The following HADHA variants were observed in gnomAD, a reference collection of about 807,000 sequenced individuals.
HADHA encodes hydroxyacyl-CoA dehydrogenase trifunctional multienzyme complex subunit alpha.
Under a neutral mutation model 91.3 loss-of-function variants are expected in HADHA, and 59 were observed. The ratio of observed to expected loss-of-function variants is 0.65; its 90% confidence interval spans 0.52 to 0.80. The LOEUF is 0.80. Ranked by LOEUF, HADHA falls within the 30% of genes least tolerant of loss-of-function variation. The probability of loss-of-function intolerance (pLI) is 0.00; values close to 1 mark genes in which losing one functional copy is unlikely to be tolerated. For synonymous variants in HADHA, 320 were observed against 338.9 expected (o/e 0.94, Z 0.61); for missense variants, 800 against 927.6 (o/e 0.86, Z 1.79).
In HADHA at chr2:26,197,797, A is replaced by T. The variant is rs572765453; in HGVS notation, c.1393-20T>A. 5.8e-6 allele frequency: 7 copies of T among 1,216,972 alleles called. No individual in the cohort carries two copies. In the East Asian group the frequency reaches 1.6e-4, roughly 28 times the overall value. The allele number at this position is 1,216,972 out of a possible 1,614,324, so 75.4% of individuals were successfully genotyped here. On this transcript the variant is annotated intron_variant, in intron 13 of 19. Coordinates refer to ENST00000380649, the MANE Select transcript of HADHA (RefSeq NM_000182.5). The stretch of plus-strand genomic sequence containing the variant: ...AATCACCTGCAGGGGAAAAGCATTT[A>T]ACAATGTGTCAGGTAGGCCTGGGAG...
In HADHA at chr2:26,193,778, C is replaced by T. The variant is rs111662358; in HGVS notation, c.1690-6G>A. The T allele has an allele frequency of 7.0e-4, 1,122 of 1,613,682 alleles. 9 individuals are homozygous for T. In the African/African-American group the frequency reaches 0.013, roughly 19 times the overall value. ...TTCTTCGGGTCAACTCCTTCCTGAA[C>T]AGGAAGCGATGCAGGGACCTCAGGG... is the stretch of plus-strand genomic sequence containing the variant. On this transcript the variant is annotated splice_polypyrimidine_tract_variant and splice_region_variant and intron_variant, in intron 16 of 19. Transcript: ENST00000380649.
chr2:26,232,411 G>T, intron 5 of HADHA, 132 bp from the exon 6 acceptor site: 1 of 691,386 alleles, frequency 1.4e-6, no homozygotes, highest in Non-Finnish European at 2.6e-6. Flanking sequence ...CCTTAGGCTG[G>T]CATTTAATAA....
intron 11 of HADHA, among the ~76,000 whole-genome samples, chr2:26,205,012 C>A (rs1367401349): frequency 6.6e-6 from 1 of 152,212 alleles, no homozygotes; most frequent in Non-Finnish European, 1.5e-5. Flanking sequence ...CACATTGCTA[C>A]CTTTTTTTGC....
rs146191199 is a variant in HADHA, at chr2:26,204,873, CCATCGTGTAATCTTT to C, written c.1086-692_1086-678del. On this transcript the variant is annotated intron_variant, in intron 11 of 19. Transcript: ENST00000380649. ...AAAGAGATGGGATTACAGGTGTGAG[CCATCGTGTAATCTTT>C]CATTTCCCCCAAAATCTGTGCCTTT... Among the ~76,000 whole-genome samples the C allele has an allele frequency of 7.5e-3, 1,145 of 152,280 alleles. 19 individuals carry two copies. Among genetic ancestry groups the C allele is most frequent in the African/African-American group, 0.026 (1,075 of 41,542 alleles).
chr2:26,217,035 A>G (rs560333402), intron 7 of HADHA, among the ~76,000 whole-genome samples: 1 of 152,350 alleles, frequency 6.6e-6, no homozygotes, highest in South Asian at 2.1e-4. Flanking sequence ...TTCATGCTGT[A>G]TGTTACAGAA....
intron 6 of HADHA, among the ~76,000 whole-genome samples, chr2:26,231,333 A>G (rs1670617124): frequency 6.6e-6 from 1 of 152,168 alleles, no homozygotes; most frequent in Non-Finnish European, 1.5e-5. Context: ...ACAGTGCCAG[A>G]AGCTATAAGG....
chr2:26,244,537 G>T lies in HADHA; in HGVS notation c.60C>A (p.Arg20=). The T allele has an allele frequency of 6.3e-7, 1 of 1,581,666 alleles. No homozygotes were observed. Among genetic ancestry groups the T allele is most frequent in the Non-Finnish European group, 8.6e-7 (1 of 1,163,314 alleles). The change falls in exon 1 of 20, where the codon CGC becomes CGA. Residue 20 remains arginine (R), a synonymous_variant. Transcript: ENST00000380649. ...CCCTCGGCCAGGCCTCACCTCGGGAGCGGAGGATCCTGAAGGCAGAAAAGC... is the reference window on the plus strand; with the variant it reads ...CCCTCGGCCAGGCCTCACCTCGGGATCGGAGGATCCTGAAGGCAGAAAAGC... ...LSRFSAFRIL[R]SRGYICRNFT...
Position 26,194,602 on chromosome 2 carries a change from G to A in HADHA, c.1657C>T (p.Pro553Ser). Residue 553 changes from proline (P) to serine (S), a missense_variant, in exon 16 of 20, where the codon CCC becomes TCC. Coordinates refer to ENST00000380649, the MANE Select transcript of HADHA (RefSeq NM_000182.5). Reference protein sequence around the residue: ...PGFYTTRCLAPMMSEVIRILQ... With the variant: ...PGFYTTRCLASMMSEVIRILQ... ...ATTCGGATGACTTCAGACATCATGG[G>A]CGCAAGACACCTGGTAGTATAGAAG... 6.2e-7 allele frequency: 1 copy of A among 1,612,522 alleles called. No individual in the cohort carries two copies. The highest frequency in any genetic ancestry group is 1.7e-5 in the Admixed American group (1 of 60,016).
At chr2:26,209,221 C>T (rs950969595) in intron 11 of HADHA, among the ~76,000 whole-genome samples, 10 of 152,238 alleles carry the variant, frequency 6.6e-5, no homozygotes, top group East Asian at 1.9e-4. Context: ...AAATTGTCCA[C>T]GCTGAGAACC....
chr2:26,239,006 TA>T lies in HADHA; in HGVS notation c.110-3del. 1.2e-6 allele frequency: 2 copies of T among 1,603,718 alleles called. No individual in the cohort carries two copies. The highest frequency in any genetic ancestry group is 1.1e-5 in the South Asian group (1 of 90,832). Reference sequence around the variant, plus strand: ...CTCCATAGTTAATATGGGTTCTGGCTAAAAAGAAAAGAAAGATTTATTTGTA... The same window carrying T: ...CTCCATAGTTAATATGGGTTCTGGCTAAAAGAAAAGAAAGATTTATTTGTA... On this transcript the variant is annotated splice_polypyrimidine_tract_variant and splice_region_variant and intron_variant, in intron 2 of 19. Coordinates refer to ENST00000380649, the MANE Select transcript of HADHA (RefSeq NM_000182.5).
At chr2:26,226,271 A>G (rs1048604042) in intron 7 of HADHA, among the ~76,000 whole-genome samples, 16 of 152,202 alleles carry the variant, frequency 1.1e-4, no homozygotes, top group African/African-American at 3.6e-4. Context: ...TACTGACTCA[A>G]TGCAATTCCA....
At chr2:26,240,529 G>A (rs747778691) in intron 1 of HADHA, among the ~76,000 whole-genome samples, 2 of 152,156 alleles carry the variant, frequency 1.3e-5, no homozygotes, top group Admixed American at 6.5e-5. Flanking sequence ...GTGGATTAGA[G>A]TGGGAATGAA....
chr2:26,192,989 A>G (rs767192992), intron 17 of HADHA, among the ~76,000 whole-genome samples: 5 of 152,170 alleles, frequency 3.3e-5, no homozygotes, highest in African/African-American at 9.7e-5. Context: ...ACCGGGTCCT[A>G]GAACACCCAG....
At chr2:26,223,942 T>C (rs1489673647) in intron 7 of HADHA, among the ~76,000 whole-genome samples, 2 of 152,134 alleles carry the variant, frequency 1.3e-5, no homozygotes, top group Admixed American at 1.3e-4. Flanking sequence ...AGATGAGGTT[T>C]TGCCATATTG....
chr2:26,195,283 C>G, intron 14 of HADHA, 51 bp from the exon 15 acceptor site: 1 of 1,502,458 alleles, frequency 6.7e-7, no homozygotes, highest in Non-Finnish European at 9.3e-7. Flanking sequence ...GGTGAGGAAC[C>G]TGAGAGCATT....
intron 7 of HADHA, among the ~76,000 whole-genome samples, chr2:26,226,571 A>G (rs1670489798): frequency 6.6e-6 from 1 of 152,206 alleles, no homozygotes; most frequent in East Asian, 1.9e-4. Flanking sequence ...CACTGAGGAA[A>G]TAGTAGTCTT....
intron 4 of HADHA, 92 bp downstream of exon 4, chr2:26,236,763 C>T (rs1670770943): frequency 7.0e-6 from 7 of 1,004,250 alleles, no homozygotes; most frequent in Non-Finnish European, 1.1e-5. Flanking sequence ...GTGCCCAGCA[C>T]TTCTACTTTC....
Position 26,214,542 on chromosome 2 carries a change from C to A in HADHA, c.819G>T (p.Met273Ile). ...CCTGTTGCCTGACAAATGGAATAGT[C>A]ATGGCATACGCTGTCAATTCTGTAA... ...GLVEKLTAYA[M>I]TIPFVRQQVY... The change falls in exon 9 of 20, where the codon ATG becomes ATT. Residue 273 changes from methionine (M) to isoleucine (I), a missense_variant. Transcript: ENST00000380649. The surrounding 1 kb of genome is among the most constrained non-coding windows in gnomAD (Gnocchi z 4.1). 6.3e-7 allele frequency: 1 copy of A among 1,586,848 alleles called. No homozygotes were observed. The highest frequency in any genetic ancestry group is 8.7e-7 in the Non-Finnish European group (1 of 1,155,264).
At chr2:26,217,357 T>C (rs1289253030) in intron 7 of HADHA, among the ~76,000 whole-genome samples, 1 of 152,044 alleles carries the variant, frequency 6.6e-6, no homozygotes, top group African/African-American at 2.4e-5. Flanking sequence ...CAATGTGAAA[T>C]TGGAATCTCC....
Sources: allele counts gnomAD v4.1 joint callset (sites outside exome capture counted in the v4.1 genomes callset), GRCh38; gene constraint gnomAD v4.1.1; non-coding constraint Gnocchi (gnomAD v3.1); transcripts MANE v1.5; gene names NCBI Gene and HGNC (gene_info 2026-07-23, HGNC 2026-07-21).